The following RARB variants were observed in gnomAD, a reference collection of about 807,000 sequenced individuals.
The protein encoded by RARB is HBV-activated protein.
RARB carries 17 observed loss-of-function variants against 51.9 expected under a neutral mutation model. The ratio of observed to expected loss-of-function variants is 0.33; its 90% CI spans 0.22 to 0.49. The LOEUF (loss-of-function observed/expected upper bound fraction) is 0.49, where lower values mean the gene tolerates loss of function less well. Ranked by LOEUF, RARB falls within the 20% of genes least tolerant of loss-of-function variation. The pLI is 0.99. For synonymous variants in RARB, 215 were observed against 195.4 expected (o/e 1.10, Z -0.84); for missense variants, 369 against 550.8 (o/e 0.67, Z 3.30).
At chr3:25,099,631 A>G (rs1313131049) in intron 3 of RARB, among the ~76,000 whole-genome samples, 2 of 152,024 alleles carry the variant, frequency 1.3e-5, no homozygotes, top group African/African-American at 4.8e-5. Context: ...AAAAAAAAAA[A>G]AAAACTTTCA....
At chr3:25,464,166 G>C (rs1372545436) in intron 2 of RARB, among the ~76,000 whole-genome samples, 1 of 152,116 alleles carries the variant, frequency 6.6e-6, no homozygotes, top group Non-Finnish European at 1.5e-5. Flanking sequence ...CCAGAAATCT[G>C]AGTGAGGTAT....
At chr3:25,156,136 G>C (rs1700370494) in intron 4 of RARB, among the ~76,000 whole-genome samples, 1 of 152,162 alleles carries the variant, frequency 6.6e-6, no homozygotes, top group South Asian at 2.1e-4. Context: ...TAGATAATCA[G>C]ATCCTCAGAA....
At chr3:25,247,380 C>T (rs1702590345) in intron 5 of RARB, among the ~76,000 whole-genome samples, 1 of 152,188 alleles carries the variant, frequency 6.6e-6, no homozygotes, top group African/African-American at 2.4e-5. Context: ...AACAAAAACT[C>T]TGGCATCTGG....
intron 3 of RARB, among the ~76,000 whole-genome samples, chr3:25,116,936 A>G (rs1442808839): frequency 6.6e-6 from 1 of 152,224 alleles, no homozygotes; most frequent in Non-Finnish European, 1.5e-5. Context: ...CATAGACAAG[A>G]AGTAAGCAAA....
At chr3:25,164,084 C>T (rs1202121322) in intron 4 of RARB, among the ~76,000 whole-genome samples, 2 of 151,910 alleles carry the variant, frequency 1.3e-5, no homozygotes, top group African/African-American at 2.4e-5. Flanking sequence ...GGCTGCCTGG[C>T]TTGATAAAAA....
At chr3:25,573,023 T>G (rs80114424) in intron 4 of RARB, among the ~76,000 whole-genome samples, 6,819 of 152,132 alleles carry the variant, frequency 0.045, 201 homozygotes, top group Non-Finnish European at 0.068. Flanking sequence ...CTGCGAGCGG[T>G]CCCTCACCAC....
rs141746999 is a variant in RARB at position 25,141,993 on chromosome 3, G to A, written c.-280+9785G>A. ...TTAAAGTCTTGTTATTCCAAGTGTA[G>A]TCCTAGGACCAGCAGCATCAGTCTC... is the stretch of plus-strand genomic sequence containing the variant. On this transcript the variant is annotated intron_variant, in intron 4 of 11. Transcript: ENST00000383772. Among the ~76,000 whole-genome samples the A allele has an allele frequency of 1.1e-3, 162 of 152,306 alleles. 5 individuals are homozygous for A. In the East Asian group the frequency reaches 0.024, roughly 22 times the overall value.
rs370680996 is a variant in RARB at position 25,067,379 on chromosome 3, G to C, written c.-328+7203G>C. ...AGAATATGATACACAGAGAGCATGA[G>C]AAAAGTTCAAGATGGAGGAAGTGGT... On this transcript the variant is annotated intron_variant, in intron 3 of 11. Transcript: ENST00000383772. Among the ~76,000 whole-genome samples the C allele has an allele frequency of 1.1e-4, 17 of 152,338 alleles. No individual in the cohort carries two copies. In the East Asian group the frequency reaches 2.1e-3, roughly 19 times the overall value.
Position 25,357,703 on chromosome 3 carries a change from G to T in RARB, c.179-103490G>T, listed in dbSNP as rs766787368. Among the ~76,000 whole-genome samples, 201 of 152,280 alleles carry T rather than the reference G, an allele frequency of 1.3e-3. 3 individuals are homozygous for T. Among genetic ancestry groups the T allele is most frequent in the Non-Finnish European group, 7.1e-4 (48 of 68,014 alleles). On this transcript the variant is annotated intron_variant, in intron 5 of 11. Coordinates refer to the RARB transcript ENST00000383772. ...TAATCTTTGTATAAGGTGTAAGGAAGGGGTGCAGTTTCAGTTTTCTGCATA... is the reference window on the plus strand; with the variant it reads ...TAATCTTTGTATAAGGTGTAAGGAATGGGTGCAGTTTCAGTTTTCTGCATA...
intron 5 of RARB, among the ~76,000 whole-genome samples, chr3:25,340,005 T>C (rs960345291): frequency 4.6e-5 from 7 of 152,156 alleles, no homozygotes; most frequent in Admixed American, 4.6e-4. Context: ...TGAATTGGTT[T>C]AAAGACCCTG....
intron 2 of RARB, among the ~76,000 whole-genome samples, chr3:24,870,549 G>A (rs1316113625): frequency 2.0e-5 from 3 of 151,908 alleles, no homozygotes; most frequent in Non-Finnish European, 4.4e-5. Context: ...GGCAGTTTAA[G>A]CCTTCTACCT....
At chr3:24,926,631 G>A (rs1230052943) in intron 2 of RARB, among the ~76,000 whole-genome samples, 2 of 152,028 alleles carry the variant, frequency 1.3e-5, no homozygotes, top group Non-Finnish European at 2.9e-5. Context: ...GGGTGGCAAG[G>A]AGAAAGATGG....
At chr3:25,523,640 G>A (rs1698504494) in intron 3 of RARB, among the ~76,000 whole-genome samples, 1 of 152,156 alleles carries the variant, frequency 6.6e-6, no homozygotes, top group Non-Finnish European at 1.5e-5. Flanking sequence ...GTCTGAAAGT[G>A]AGGGACAATG....
intron 5 of RARB, among the ~76,000 whole-genome samples, chr3:25,201,725 G>T (rs1269295292): frequency 6.6e-6 from 1 of 152,142 alleles, no homozygotes; most frequent in Non-Finnish European, 1.5e-5. Context: ...TTATATGCTG[G>T]ATTATGTTTA....
chr3:25,582,462 C>G (rs1044665779), intron 5 of RARB, among the ~76,000 whole-genome samples: 1 of 151,942 alleles, frequency 6.6e-6, no homozygotes, highest in African/African-American at 2.4e-5. Flanking sequence ...CAGGCTCTGA[C>G]CTTGACCTTC....
In RARB at chr3:25,449,584, T is replaced by TG. The variant is rs1251717014; in HGVS notation, c.158-11604dup. Among the ~76,000 whole-genome samples the TG allele has an allele frequency of 7.9e-5, 12 of 152,248 alleles. No individual in the cohort carries two copies. The East Asian group carries it at 2.3e-3, about 29-fold the overall frequency. On this transcript the variant is annotated intron_variant, in intron 1 of 7. Transcript: ENST00000330688. Reference sequence around the variant, plus strand: ...GGGATGTCATAGTCTTCTCTCAACATGGGGGTCAGACCCATTCCCTTGAAC... The same window carrying TG: ...GGGATGTCATAGTCTTCTCTCAACATGGGGGGTCAGACCCATTCCCTTGAAC...
chr3:25,360,054 T>G (rs926615386), intron 5 of RARB, among the ~76,000 whole-genome samples: 2 of 152,218 alleles, frequency 1.3e-5, no homozygotes, highest in African/African-American at 4.8e-5. Context: ...GTCATTGATC[T>G]GTCTAATATA....
chr3:24,984,777 A>T (rs1456635044), intron 2 of RARB, among the ~76,000 whole-genome samples: 1 of 152,188 alleles, frequency 6.6e-6, no homozygotes, highest in Non-Finnish European at 1.5e-5. Flanking sequence ...TGTTGGGGAA[A>T]CAGGTTAATC....
At chr3:25,500,835 T>C (rs1697276315) in intron 2 of RARB, among the ~76,000 whole-genome samples, 1 of 152,140 alleles carries the variant, frequency 6.6e-6, no homozygotes, top group Non-Finnish European at 1.5e-5. Flanking sequence ...GGTAGTGCGC[T>C]CATCTGAAAT....
Sources: gnomAD v4.1 joint callset for allele counts (sites outside exome capture counted in the v4.1 genomes callset) on GRCh38, gnomAD v4.1.1 for gene constraint, MANE v1.5 for transcripts, NCBI Gene and HGNC (gene_info 2026-07-23, HGNC 2026-07-21) for gene names.